GUCY1A2: variants seen among roughly 807,000 people sequenced by gnomAD.
The protein encoded by GUCY1A2 is guanylate cyclase soluble subunit alpha-2.
In GUCY1A2, 27 loss-of-function variants were observed where a neutral mutation model predicts 63.5. The observed-to-expected ratio is 0.43, with a 90% confidence interval of 0.31 to 0.59. The LOEUF is 0.59. GUCY1A2 is among the 20% of genes least tolerant of loss of function. The pLI is 0.11. For synonymous variants in GUCY1A2, 364 were observed against 343.5 expected (o/e 1.06, Z -0.66); for missense variants, 768 against 913.3 (o/e 0.84, Z 2.05).
intron 3 of GUCY1A2, among the ~76,000 whole-genome samples, chr11:106,973,993 A>G (rs1395927278): frequency 2.0e-5 from 3 of 152,078 alleles, no homozygotes; most frequent in African/African-American, 4.8e-5. Context: ...TGAGGTAAGG[A>G]AAGATGAAGT....
At chr11:106,831,089 A>C (rs1859044079) in intron 4 of GUCY1A2, among the ~76,000 whole-genome samples, 1 of 152,182 alleles carries the variant, frequency 6.6e-6, no homozygotes, top group Admixed American at 6.5e-5. Flanking sequence ...ATACACCCTT[A>C]TTCAGTACAG....
Position 106,722,958 on chromosome 11 carries a change from T to G in GUCY1A2, c.1837-14292A>C, listed in dbSNP as rs188898212. Among the ~76,000 whole-genome samples the G allele has an allele frequency of 1.4e-3, 213 of 152,326 alleles. 1 individual carries two copies. The highest frequency in any genetic ancestry group is 5.0e-3 in the African/African-American group (208 of 41,576). On this transcript the variant is annotated intron_variant, in intron 6 of 7. Coordinates refer to ENST00000526355, the MANE Select transcript of GUCY1A2 (RefSeq NM_000855.3). ...ATATGTAGTTTTAACCAAAGCAATA[T>G]CTTCAATAGCAAATGAATTTATCAC...
At chr11:106,886,364 A>C (rs560099420) in intron 4 of GUCY1A2, among the ~76,000 whole-genome samples, 1 of 152,132 alleles carries the variant, frequency 6.6e-6, no homozygotes, top group Non-Finnish European at 1.5e-5. Flanking sequence ...GCAGAACAAA[A>C]TGATAAAAGG....
intron 5 of GUCY1A2, among the ~76,000 whole-genome samples, chr11:106,797,373 G>A (rs1005685846): frequency 2.0e-5 from 3 of 151,930 alleles, no homozygotes; most frequent in Admixed American, 1.3e-4. Context: ...ACAGATCAAC[G>A]AGACAGAAAG....
chr11:106,706,417 G>A (rs990651154), intron 7 of GUCY1A2, among the ~76,000 whole-genome samples: 2 of 152,012 alleles, frequency 1.3e-5, no homozygotes, highest in South Asian at 2.1e-4. Context: ...AAGCTTCAGT[G>A]TATGCAGTAG....
chr11:106,737,186 C>A (rs1863605402), intron 6 of GUCY1A2, among the ~76,000 whole-genome samples: 1 of 152,070 alleles, frequency 6.6e-6, no homozygotes, highest in Non-Finnish European at 1.5e-5. Context: ...CACTCAGTAT[C>A]CCAGCAAGAA....
At position 106,939,646 on chromosome 11, in the gene GUCY1A2, A is replaced by G. The variant is rs759465149; in HGVS notation, c.1020T>C (p.Leu340=). Residue 340 remains leucine, a synonymous_variant, in exon 4 of 8, where the codon CTT becomes CTC. Transcript: ENST00000526355. ...HLMFDPSMSV[L]QLGEGLRKQL... Reference sequence around the variant, plus strand: ...GCTTCCTTAGACCTTCCCCCAACTGAAGGACTGACATGCTGGGATCAAACA... The same window carrying G: ...GCTTCCTTAGACCTTCCCCCAACTGGAGGACTGACATGCTGGGATCAAACA... 8.2e-5 allele frequency: 132 copies of G among 1,613,762 alleles called. No homozygotes were observed. Among genetic ancestry groups the G allele is most frequent in the Non-Finnish European group, 1.1e-4 (127 of 1,179,884 alleles).
At chr11:106,817,836 A>G (rs1301026604) in intron 4 of GUCY1A2, among the ~76,000 whole-genome samples, 1 of 152,108 alleles carries the variant, frequency 6.6e-6, no homozygotes, top group Admixed American at 6.6e-5. Flanking sequence ...TAAAATGATG[A>G]AAAATAATGA....
Position 106,828,240 on chromosome 11 carries a change from T to TAGCA in GUCY1A2, c.1207-17763_1207-17762insTGCT, listed in dbSNP as rs1399332089. Among the ~76,000 whole-genome samples the TAGCA allele has an allele frequency of 1.1e-4, 17 of 152,320 alleles. No homozygotes were observed. The East Asian group carries it at 3.3e-3, about 29-fold the overall frequency. On this transcript the variant is annotated intron_variant, in intron 4 of 7. Transcript: ENST00000526355. ...CTATTTTTGGTTTTGTTGCATTTGCTTTTGGGGTCTTCATCATAAATTATT... is the reference window on the plus strand; with the variant it reads ...CTATTTTTGGTTTTGTTGCATTTGCTAGCATTTGGGGTCTTCATCATAAATTATT...
At chr11:106,799,244 A>G (rs1288329847) in intron 5 of GUCY1A2, among the ~76,000 whole-genome samples, 4 of 152,214 alleles carry the variant, frequency 2.6e-5, no homozygotes, top group Non-Finnish European at 5.9e-5. Flanking sequence ...ATGAAATAAA[A>G]GAGGACACAA....
intron 1 of GUCY1A2, among the ~76,000 whole-genome samples, chr11:107,012,949 C>T (rs1591364137): frequency 1.3e-5 from 2 of 151,748 alleles, no homozygotes; most frequent in South Asian, 2.1e-4. Flanking sequence ...GGTTTTTTTT[C>T]AAGGTTTATA....
rs539494964 is a variant in GUCY1A2, at chr11:106,937,077, C to A, written c.1206+2383G>T. On this transcript the variant is annotated intron_variant, in intron 4 of 7. Transcript: ENST00000526355. ...ATCTGGGTAAGACTGTATGTGACAA[C>A]TTTACTGACCATAGTATCAATTTGG... 2.0e-5 allele frequency among the ~76,000 whole-genome samples: 3 copies of A among 152,176 alleles called. No individual in the cohort carries two copies. In the East Asian group the frequency reaches 5.8e-4, roughly 29 times the overall value.
chr11:106,997,617 A>AACCCC (rs1861556400), intron 1 of GUCY1A2, among the ~76,000 whole-genome samples: 1 of 119,766 alleles, frequency 8.3e-6, no homozygotes, highest in African/African-American at 3.2e-5. Flanking sequence ...AAGATAGGGA[A>AACCCC]CCCCCCCCCC....
At chr11:106,972,382 G>A (rs961384059) in intron 3 of GUCY1A2, among the ~76,000 whole-genome samples, 1 of 151,802 alleles carries the variant, frequency 6.6e-6, no homozygotes, top group Admixed American at 6.6e-5. Context: ...AAAACTTAAA[G>A]GGAAACGAAA....
chr11:106,690,781 C>T (rs960233122), intron 7 of GUCY1A2, among the ~76,000 whole-genome samples: 1 of 152,032 alleles, frequency 6.6e-6, no homozygotes, highest in African/African-American at 2.4e-5. Context: ...CTGAATTGCT[C>T]CAGGAAACAG....
At position 106,776,501 on chromosome 11, in the gene GUCY1A2, T is replaced by A; in HGVS notation, c.1774A>T (p.Met592Leu). 1 of 1,613,716 alleles carries A rather than the reference T, an allele frequency of 6.2e-7. No individual in the cohort carries two copies. Among genetic ancestry groups the A allele is most frequent in the Non-Finnish European group, 8.5e-7 (1 of 1,179,630 alleles). ...GAAAGTTCCATCATCTTCAAGGCCA[T>A]CAGAGCAATGGGTTTAGCATGGCAG... The part of the protein sequence containing the change: ...SLCHAKPIAL[M>L]ALKMMELSEE... Residue 592 changes from methionine to leucine, a missense_variant, in exon 6 of 8, where the codon ATG becomes TTG. Physicochemically the swap from Met to Leu is conservative, Grantham distance 15 (BLOSUM62 2). Around this residue, in one of 3 missense-constraint regions of GUCY1A2, gnomAD observed 150 missense variants for 188.3 expected, o/e 0.80. Coordinates refer to ENST00000526355, the MANE Select transcript of GUCY1A2 (RefSeq NM_000855.3).
intron 6 of GUCY1A2, among the ~76,000 whole-genome samples, chr11:106,772,965 T>G (rs1012981398): frequency 1.3e-5 from 2 of 152,214 alleles, no homozygotes; most frequent in African/African-American, 4.8e-5. Context: ...TAGATTTTAT[T>G]TTTAATGCTC....
chr11:106,956,773 G>A (rs772268664), intron 3 of GUCY1A2, among the ~76,000 whole-genome samples: 42 of 152,160 alleles, frequency 2.8e-4, no homozygotes, highest in Non-Finnish European at 4.4e-4. Flanking sequence ...GTGGCACAGG[G>A]AGCAGGACCC....
intron 4 of GUCY1A2, among the ~76,000 whole-genome samples, chr11:106,929,748 C>T (rs145301137): frequency 7.8e-4 from 119 of 152,164 alleles, no homozygotes; most frequent in Non-Finnish European, 1.2e-3. Context: ...TTAATGTCTC[C>T]AGTTGTTGGA....
Sources: gnomAD v4.1 joint callset for allele counts (sites outside exome capture counted in the v4.1 genomes callset) on GRCh38, gnomAD v4.1.1 for gene constraint, gnomAD v4.1.1 regional missense constraint, MANE v1.5 for transcripts, NCBI Gene and HGNC (gene_info 2026-07-23, HGNC 2026-07-21) for gene names.